Variants in FBXO30 observed in about 807,000 individuals in gnomAD.
FBXO30 encodes the protein F-box only protein 30.
Under a neutral mutation model 58.1 loss-of-function variants are expected in FBXO30, and 21 were observed. That is an observed-to-expected ratio of 0.36 (90% CI 0.26 to 0.52). The LOEUF (loss-of-function observed/expected upper bound fraction) is 0.52, where lower values mean the gene tolerates loss of function less well. Ranked by LOEUF, FBXO30 falls within the 20% of genes least tolerant of loss-of-function variation. FBXO30 has a pLI of 0.93. For synonymous variants in FBXO30, 309 were observed against 312.4 expected (o/e 0.99, Z 0.11); for missense variants, 744 against 897.3 (o/e 0.83, Z 2.18).
In FBXO30 at chr6:145,799,681, C is replaced by T. The variant is rs1777938584; in HGVS notation, c.*425G>A. 1 of 154,420 alleles carries T rather than the reference C, an allele frequency of 6.5e-6. No homozygotes were observed. The highest frequency in any genetic ancestry group is 2.0e-4 in the South Asian group (1 of 5,008). 9.6% of individuals were successfully genotyped at this position (154,420 alleles called of 1,614,324 possible). A position where few individuals can be genotyped will look rare whatever the true frequency, so the allele number is the denominator to read the frequency against. ...ATATTATGGCAGTGCTTAACAAATT[C>T]AGAATATTTTTATATGAAAAACCTA... On this transcript the variant is annotated 3_prime_UTR_variant, in exon 3 of 3. Coordinates refer to ENST00000237281, the MANE Select transcript of FBXO30 (RefSeq NM_032145.5).
At chr6:145,808,798 C>A (rs556698467) in intron 1 of FBXO30, among the ~76,000 whole-genome samples, 1 of 152,276 alleles carries the variant, frequency 6.6e-6, no homozygotes, top group South Asian at 2.1e-4. Flanking sequence ...CTGTTTTCTT[C>A]ACCTCAGTGC....
Position 145,804,627 on chromosome 6 carries a change from T to G in FBXO30, c.1779A>C (p.Val593=). The change falls in exon 2 of 3, where the codon GTA becomes GTC. Residue 593 remains valine (V), a synonymous_variant. Coordinates refer to ENST00000237281, the MANE Select transcript of FBXO30 (RefSeq NM_032145.5). The stretch of plus-strand genomic sequence containing the variant: ...TAGCAGGCTCCACTAATACTGTAGA[T>G]ACACATGGCTGAACTCCAAATGACC... ...HLRSFGVQPC[V]STVLVEPARN... is the part of the protein sequence containing the mutation. The G allele has an allele frequency of 1.2e-6, 2 of 1,613,868 alleles. No homozygotes were observed. The highest frequency in any genetic ancestry group is 1.7e-6 in the Non-Finnish European group (2 of 1,179,862).
intron 1 of FBXO30, among the ~76,000 whole-genome samples, chr6:145,812,433 G>A (rs1170664990): frequency 6.6e-6 from 1 of 151,984 alleles, no homozygotes; most frequent in Non-Finnish European, 1.5e-5. Context: ...CCACCCAAAC[G>A]GTAGAACTCA....
In FBXO30 at chr6:145,795,766, G is replaced by C. The variant is rs1354076831; in HGVS notation, c.*4340C>G. ...GTAACAAAGCACCTCAAGATGTATC[G>C]CCATTAATACATCTCAAGGTGTACT... On this transcript the variant is annotated 3_prime_UTR_variant, in exon 3 of 3. Coordinates refer to ENST00000237281, the MANE Select transcript of FBXO30 (RefSeq NM_032145.5). The C allele has an allele frequency of 6.6e-6, 1 of 151,710 alleles. No individual in the cohort carries two copies. The highest frequency in any genetic ancestry group is 6.6e-5 in the Admixed American group (1 of 15,212). 9.4% of individuals were successfully genotyped at this position (151,710 alleles called of 1,614,324 possible). A position where few individuals can be genotyped will look rare whatever the true frequency, so the allele number is the denominator to read the frequency against.
intron 1 of FBXO30, among the ~76,000 whole-genome samples, chr6:145,809,107 A>G (rs1338299636): frequency 6.6e-6 from 1 of 152,244 alleles, no homozygotes; most frequent in Non-Finnish European, 1.5e-5. Flanking sequence ...TGAGTTGAAT[A>G]CTTTTAAATG....
At position 145,799,983 on chromosome 6, in the gene FBXO30, C is replaced by T; in HGVS notation, c.*123G>A. 1 of 734,212 alleles carries T rather than the reference C, an allele frequency of 1.4e-6. No homozygotes were observed. The highest frequency in any genetic ancestry group is 2.2e-6 in the Non-Finnish European group (1 of 462,508). The allele number at this position is 734,212 out of a possible 1,614,324, so 45.5% of individuals were successfully genotyped here. On this transcript the variant is annotated 3_prime_UTR_variant, in exon 3 of 3. Coordinates refer to ENST00000237281, the MANE Select transcript of FBXO30 (RefSeq NM_032145.5). The stretch of plus-strand genomic sequence containing the variant: ...TATAAAAATAGATGTCACTTCAAAA[C>T]ATTATATACACAGTGACAATAAATT...
rs767911675 is a variant in FBXO30, at chr6:145,800,129, A to G, written c.2215T>C (p.Ser739Pro). 3.1e-6 allele frequency: 5 copies of G among 1,612,612 alleles called. No individual in the cohort carries two copies. The Admixed American group carries it at 6.7e-5, about 22-fold the overall frequency. The change falls in exon 3 of 3, where the codon TCA (serine) becomes CCA (proline). Residue 739 changes from serine to proline, a missense_variant. By Grantham distance (74) the Ser-to-Pro change is moderately conservative. Transcript: ENST00000237281. ...TTTTAAAGTACAGGTTTTAAAACTGAGCGTAGTGAACGTCCTTCTTTAGTG... is the reference window on the plus strand; with the variant it reads ...TTTTAAAGTACAGGTTTTAAAACTGGGCGTAGTGAACGTCCTTCTTTAGTG... Reference protein sequence around the residue: ...ELTKEGRSLRSVLKPVL With the variant: ...ELTKEGRSLRPVLKPVL
chr6:145,814,133 T>A (rs1778425193), intron 1 of FBXO30, among the ~76,000 whole-genome samples: 1 of 152,168 alleles, frequency 6.6e-6, no homozygotes, highest in South Asian at 2.1e-4. Flanking sequence ...ACTTTGCTCA[T>A]CCCGTGCAGA....
chr6:145,812,379 C>T (rs1185483277), intron 1 of FBXO30, among the ~76,000 whole-genome samples: 1 of 152,032 alleles, frequency 6.6e-6, no homozygotes, highest in African/African-American at 2.4e-5. Context: ...ATATTTAATA[C>T]TCGGACTAGA....
In FBXO30 at chr6:145,805,258, A is replaced by T. The variant is rs147780756; in HGVS notation, c.1148T>A (p.Phe383Tyr). 2 of 1,614,072 alleles carry T rather than the reference A, an allele frequency of 1.2e-6. No individual in the cohort carries two copies. The highest frequency in any genetic ancestry group is 1.7e-6 in the Non-Finnish European group (2 of 1,179,950). The change falls in exon 2 of 3, where the codon TTC becomes TAC. Residue 383 changes from phenylalanine (F) to tyrosine (Y), a missense_variant. Phe to Tyr is a conservative substitution (Grantham distance 22). This residue lies in a region of FBXO30 where 275 missense variants were observed against 262.0 expected (regional missense o/e 1.05). Coordinates refer to ENST00000237281, the MANE Select transcript of FBXO30 (RefSeq NM_032145.5). ...GDVKNVDVLS[F>Y]SHAPSFNFLS... is the part of the protein sequence containing the mutation. ...AAAATTGAATGAAGGAGCATGACTG[A>T]AAGATAAGACATCCACATTCTTCAC...
intron 2 of FBXO30, among the ~76,000 whole-genome samples, chr6:145,801,439 A>T (rs1260550320): frequency 1.3e-5 from 2 of 151,756 alleles, no homozygotes; most frequent in Non-Finnish European, 2.9e-5. Context: ...TTTTTAGCTC[A>T]TCAGTTATCG....
intron 1 of FBXO30, among the ~76,000 whole-genome samples, chr6:145,814,296 A>G (rs1055293986): frequency 6.6e-6 from 1 of 152,078 alleles, no homozygotes; most frequent in African/African-American, 2.4e-5. Flanking sequence ...ACTGGGGGGG[A>G]CACGGAGGTC....
At chr6:145,812,925 C>G (rs941377353) in intron 1 of FBXO30, among the ~76,000 whole-genome samples, 2 of 152,118 alleles carry the variant, frequency 1.3e-5, no homozygotes, top group African/African-American at 4.8e-5. Context: ...TCTACAAATA[C>G]AATGACATTC....
chr6:145,812,233 A>G (rs1471120998), intron 1 of FBXO30, among the ~76,000 whole-genome samples: 3 of 152,210 alleles, frequency 2.0e-5, no homozygotes, highest in East Asian at 3.8e-4. Context: ...ATCAAAACAT[A>G]TATCTTTCAT....
intron 2 of FBXO30, among the ~76,000 whole-genome samples, chr6:145,803,900 G>A (rs1052559201): frequency 1.3e-5 from 2 of 152,122 alleles, no homozygotes; most frequent in Admixed American, 1.3e-4. Context: ...CACAGTAGTA[G>A]TTGTAACTTA....
intron 1 of FBXO30, among the ~76,000 whole-genome samples, chr6:145,814,371 G>T (rs1778434120): frequency 1.3e-5 from 2 of 152,054 alleles, no homozygotes; most frequent in Non-Finnish European, 2.9e-5. Flanking sequence ...GCGGCCCGGC[G>T]AGGACACGAG....
intron 2 of FBXO30, among the ~76,000 whole-genome samples, chr6:145,803,839 T>C (rs963852621): frequency 6.6e-6 from 1 of 152,176 alleles, no homozygotes; most frequent in African/African-American, 2.4e-5. Context: ...CATCCATTTA[T>C]GTTCCTTATT....
rs1352034189 is a variant in FBXO30 at position 145,800,137 on chromosome 6, G to T, written c.2207C>A (p.Ser736Ter). 6.2e-7 allele frequency: 1 copy of T among 1,612,830 alleles called. No individual in the cohort carries two copies. The highest frequency in any genetic ancestry group is 8.5e-7 in the Non-Finnish European group (1 of 1,179,160). The change falls in exon 3 of 3, where the codon TCA becomes TAA. Residue 736 changes from serine (S) to a stop codon, truncating the protein, a stop_gained. Coordinates refer to ENST00000237281, the MANE Select transcript of FBXO30 (RefSeq NM_032145.5). LOFTEE classifies it high-confidence loss of function. ...TACAGGTTTTAAAACTGAGCGTAGT[G>T]AACGTCCTTCTTTAGTGAGTTCTCG... ...VTRELTKEGR[S>*]LRSVLKPVL
Position 145,804,447 on chromosome 6 carries a change from A to C in FBXO30, c.1959T>G (p.Ser653=). 1.2e-6 allele frequency: 2 copies of C among 1,613,776 alleles called. No homozygotes were observed. Residue 653 remains serine (S), a synonymous_variant, in exon 2 of 3, where the codon TCT becomes TCG. Coordinates refer to ENST00000237281, the MANE Select transcript of FBXO30 (RefSeq NM_032145.5). Reference sequence around the variant, plus strand: ...CCCACTGCAGTATGACCATGCCACGAGACTGAAGCAGGCTGCCACACACAT... The same window carrying C: ...CCCACTGCAGTATGACCATGCCACGCGACTGAAGCAGGCTGCCACACACAT... ...MRDVCGSLLQ[S]RGMVILQWGK...
Sources: allele counts gnomAD v4.1 joint callset (sites outside exome capture counted in the v4.1 genomes callset), GRCh38; gene constraint gnomAD v4.1.1; regional missense constraint gnomAD v4.1.1; transcripts MANE v1.5; gene names NCBI Gene and HGNC (gene_info 2026-07-23, HGNC 2026-07-21).